ATL2: variants seen among roughly 807,000 people sequenced by gnomAD.
ATL2 encodes atlastin GTPase 2.
ATL2 carries 31 observed loss-of-function variants against 73.9 expected under a neutral mutation model. The ratio of observed to expected loss-of-function variants is 0.42; its 90% CI spans 0.32 to 0.57. ATL2 has a LOEUF of 0.57. Among genes scored for constraint, ATL2 ranks in the 20% least tolerant of loss-of-function variants. The pLI is 0.14. For synonymous variants in ATL2, 291 were observed against 237.5 expected (o/e 1.23, Z -2.07); for missense variants, 738 against 702.6 (o/e 1.05, Z -0.57).
chr2:38,363,260 T>C (rs929583375), intron 1 of ATL2, among the ~76,000 whole-genome samples: 1 of 151,906 alleles, frequency 6.6e-6, no homozygotes, highest in African/African-American at 2.4e-5. Flanking sequence ...GCATCTTTAT[T>C]ATCAAATGAG....
intron 4 of ATL2, among the ~76,000 whole-genome samples, chr2:38,316,770 C>T (rs1238516735): frequency 6.6e-6 from 1 of 151,946 alleles, no homozygotes; most frequent in Non-Finnish European, 1.5e-5. Context: ...CTGTCTAAAA[C>T]CAGGTCTCTT....
chr2:38,330,338 GT>G (rs1668915392), intron 2 of ATL2, among the ~76,000 whole-genome samples: 2 of 151,788 alleles, frequency 1.3e-5, no homozygotes, highest in South Asian at 4.2e-4. Context: ...TAGAAACTAG[GT>G]TAGAAAACAG....
intron 2 of ATL2, among the ~76,000 whole-genome samples, chr2:38,328,807 A>G (rs920505366): frequency 6.6e-6 from 1 of 152,126 alleles, no homozygotes; most frequent in South Asian, 2.1e-4. Flanking sequence ...AGTAAGATGA[A>G]TAAAATCAGA....
chr2:38,369,239 C>G (rs1309658583), intron 1 of ATL2, among the ~76,000 whole-genome samples: 1 of 151,958 alleles, frequency 6.6e-6, no homozygotes, highest in Non-Finnish European at 1.5e-5. Context: ...CACCTGAGGT[C>G]AGGAGTTCAA....
At chr2:38,300,629 GT>G (rs1245666240) in intron 9 of ATL2, among the ~76,000 whole-genome samples, 21 of 152,074 alleles carry the variant, frequency 1.4e-4, no homozygotes, top group Non-Finnish European at 2.2e-4. Context: ...TATTGCCAGT[GT>G]TTTAATATTT....
At chr2:38,347,777 T>C (rs1670110261) in intron 1 of ATL2, among the ~76,000 whole-genome samples, 1 of 143,494 alleles carries the variant, frequency 7.0e-6, no homozygotes. Flanking sequence ...CTTTTTTTTT[T>C]TTTTTTTTTT....
intron 1 of ATL2, among the ~76,000 whole-genome samples, chr2:38,346,134 C>T (rs778631167): frequency 5.9e-5 from 9 of 152,196 alleles, no homozygotes; most frequent in East Asian, 1.9e-4. Flanking sequence ...TATAGAGATA[C>T]GTCTACGTGT....
intron 1 of ATL2, among the ~76,000 whole-genome samples, chr2:38,367,924 C>T (rs1426318392): frequency 1.3e-5 from 2 of 151,448 alleles, no homozygotes; most frequent in Non-Finnish European, 2.9e-5. Context: ...TAAACCACCA[C>T]GCCCGGCCTA....
chr2:38,368,457 G>C (rs1323973275), intron 1 of ATL2, among the ~76,000 whole-genome samples: 3 of 151,898 alleles, frequency 2.0e-5, no homozygotes, highest in South Asian at 2.1e-4. Flanking sequence ...TCTCCATGTT[G>C]GTCAGGCTGG....
intron 1 of ATL2, among the ~76,000 whole-genome samples, chr2:38,348,197 T>C (rs996815010): frequency 6.6e-6 from 1 of 152,038 alleles, no homozygotes; most frequent in Non-Finnish European, 1.5e-5. Flanking sequence ...CTAGGCGCGG[T>C]GGCTCACGCC....
At position 38,308,601 on chromosome 2, in the gene ATL2, T is replaced by C. The variant is rs1469678898; in HGVS notation, c.1071+778A>G. On this transcript the variant is annotated intron_variant, in intron 9 of 12. Transcript: ENST00000378954. ...ATACATTTTAAAATAACAAAGAGTA[T>C]AATTGGATTGTCTGTAACATAAGGA... Among the ~76,000 whole-genome samples, 5 of 152,176 alleles carry C rather than the reference T, an allele frequency of 3.3e-5. No individual in the cohort carries two copies. The East Asian group carries it at 5.8e-4, about 18-fold the overall frequency.
intron 2 of ATL2, among the ~76,000 whole-genome samples, chr2:38,324,955 T>C (rs1349863962): frequency 1.3e-5 from 2 of 152,178 alleles, no homozygotes; most frequent in Non-Finnish European, 2.9e-5. Flanking sequence ...TGGAGATGGA[T>C]AGTGGCAATG....
chr2:38,319,761 TC>T (rs1668218992), intron 2 of ATL2, among the ~76,000 whole-genome samples: 1 of 152,204 alleles, frequency 6.6e-6, no homozygotes, highest in African/African-American at 2.4e-5. Flanking sequence ...CACTGCTTTC[TC>T]AGAATAGCTT....
chr2:38,361,636 A>G (rs1250471324), intron 1 of ATL2, among the ~76,000 whole-genome samples: 1 of 152,196 alleles, frequency 6.6e-6, no homozygotes, highest in Non-Finnish European at 1.5e-5. Flanking sequence ...ATTATGTATT[A>G]GATTAATGCA....
At chr2:38,377,373 T>G (rs1395174185), upstream of ATL2, 4 of 795,374 alleles carry the variant, frequency 5.0e-6, no homozygotes, top group Non-Finnish European at 7.5e-6. Context: ...TCTCCGCCTG[T>G]ATCTCCTCGC....
At chr2:38,330,213 AT>A (rs1668904893) in intron 2 of ATL2, among the ~76,000 whole-genome samples, 1 of 146,976 alleles carries the variant, frequency 6.8e-6, no homozygotes, top group South Asian at 2.1e-4. Context: ...TTCATTCAGG[AT>A]TTAAAAAAAA....
At chr2:38,296,462 GA>G in intron 12 of ATL2, 2 of 1,588,994 alleles carry the variant, frequency 1.3e-6, no homozygotes. Context: ...TTCAGATAGA[GA>G]AAAAGGTTAA....
chr2:38,370,150 C>CAAAAAAAAAAAA (rs962952444), intron 1 of ATL2, among the ~76,000 whole-genome samples: 2 of 43,920 alleles, frequency 4.6e-5, no homozygotes, highest in African/African-American at 2.2e-4. Context: ...GAGACTCCGT[C>CAAAAAAAAAAAA]AAAAAAAAAA....
intron 2 of ATL2, among the ~76,000 whole-genome samples, chr2:38,320,033 G>C (rs186109605): frequency 6.6e-6 from 1 of 152,108 alleles, no homozygotes; most frequent in South Asian, 2.1e-4. Context: ...ACTTGAACCC[G>C]TGGGCAGAGG....
Sources: allele counts gnomAD v4.1 joint callset (sites outside exome capture counted in the v4.1 genomes callset), GRCh38; gene constraint gnomAD v4.1.1; transcripts MANE v1.5; gene names NCBI Gene and HGNC (gene_info 2026-07-23, HGNC 2026-07-21).